The following MCC variants were observed in gnomAD, a reference collection of about 807,000 sequenced individuals.
MCC encodes the protein colorectal mutant cancer protein.
MCC carries 90 observed loss-of-function variants against 116.2 expected under a neutral mutation model. That is an observed-to-expected ratio of 0.77 (90% confidence interval 0.65 to 0.92). MCC has a LOEUF of 0.92. Among genes scored for constraint, MCC ranks in the 40% least tolerant of loss-of-function variants. The probability of loss-of-function intolerance (pLI) is 0.00; values close to 1 mark genes in which losing one functional copy is unlikely to be tolerated. For missense variants in MCC, 1,516 were observed against 1,312.2 expected (o/e 1.16, Z -2.40); for synonymous variants, 578 against 510.5 (o/e 1.13, Z -1.78).
rs371343807 is a variant in MCC at position 113,333,802 on chromosome 5, T to TAC, written c.627+6716_627+6717insGT. ...CTTCATATATATTTATATATATATG[T>TAC]ATATATGTATATATGTACATATATG... On this transcript the variant is annotated intron_variant, in intron 3 of 18. Coordinates refer to ENST00000408903, the MANE Select transcript of MCC (RefSeq NM_001085377.2). Among the ~76,000 whole-genome samples, 198 of 53,828 alleles carry TAC rather than the reference T, an allele frequency of 3.7e-3. 2 individuals carry two copies. The highest frequency in any genetic ancestry group is 4.2e-3 in the Non-Finnish European group (124 of 29,628). The allele number at this position is 53,828 out of a possible 152,430, so 35.3% of individuals were successfully genotyped here. A position where few individuals can be genotyped will look rare whatever the true frequency, so the allele number is the denominator to read the frequency against.
rs190414411 is a variant in MCC, at chr5:113,185,552, A to G, written c.628-34130T>C. Among the ~76,000 whole-genome samples, 289 of 152,356 alleles carry G rather than the reference A, an allele frequency of 1.9e-3. 6 individuals carry two copies. The highest frequency in any genetic ancestry group is 0.016 in the Admixed American group (250 of 15,306). ...AGATTGAAAGGCTAGAGAAAGCTAC[A>G]CAGATATCAGCAAGAACTGACAGCT... On this transcript the variant is annotated intron_variant, in intron 3 of 18. Transcript: ENST00000408903.
At chr5:113,225,011 A>G (rs1167650132) in intron 3 of MCC, among the ~76,000 whole-genome samples, 1 of 152,224 alleles carries the variant, frequency 6.6e-6, no homozygotes, top group African/African-American at 2.4e-5. Flanking sequence ...TCGGTTAAAA[A>G]TAAAAAGAAG....
At chr5:113,075,631 T>A (rs1374684657) in intron 11 of MCC, among the ~76,000 whole-genome samples, 1 of 152,054 alleles carries the variant, frequency 6.6e-6, no homozygotes, top group Non-Finnish European at 1.5e-5. Flanking sequence ...ACCAATCACC[T>A]CTCTGTAAAA....
intron 1 of MCC, among the ~76,000 whole-genome samples, chr5:113,447,402 T>C (rs540676704): frequency 5.3e-4 from 81 of 152,330 alleles, no homozygotes; most frequent in Middle Eastern, 6.8e-3. Context: ...TATGTACAAT[T>C]TGAAAAATAT....
Position 113,325,541 on chromosome 5 carries a change from T to G in MCC, c.627+14978A>C, listed in dbSNP as rs374790476. Among the ~76,000 whole-genome samples the G allele has an allele frequency of 4.0e-5, 6 of 151,612 alleles. No individual in the cohort carries two copies. In the East Asian group the frequency reaches 9.7e-4, roughly 25 times the overall value. ...CTTCCTAGACTTCCCTGCAAAGTCT[T>G]TTGCTGCTGTTAGGCAATCACGCAG... On this transcript the variant is annotated intron_variant, in intron 3 of 18. Coordinates refer to ENST00000408903, the MANE Select transcript of MCC (RefSeq NM_001085377.2).
At chr5:113,072,464 T>C (rs1754105775) in intron 11 of MCC, among the ~76,000 whole-genome samples, 2 of 152,164 alleles carry the variant, frequency 1.3e-5, no homozygotes, top group Admixed American at 1.3e-4. Context: ...CCCGGCTAAT[T>C]AGATAAAGCC....
At chr5:113,360,331 T>C (rs981273246) in intron 2 of MCC, among the ~76,000 whole-genome samples, 4 of 152,254 alleles carry the variant, frequency 2.6e-5, no homozygotes, top group African/African-American at 9.6e-5. Context: ...TAAACCAAGT[T>C]TGCATTCCAG....
At chr5:113,235,261 A>G (rs928200153) in intron 3 of MCC, among the ~76,000 whole-genome samples, 8 of 152,236 alleles carry the variant, frequency 5.3e-5, no homozygotes, top group African/African-American at 1.2e-4. Flanking sequence ...TCTGACTTCA[A>G]TGCACTTGAG....
chr5:113,161,067 A>T (rs1020951595), intron 3 of MCC, among the ~76,000 whole-genome samples: 8 of 152,238 alleles, frequency 5.3e-5, no homozygotes, highest in African/African-American at 1.7e-4. Context: ...AGCTATTAAA[A>T]ATAAGTTATT....
rs371325011 is a variant in MCC at position 113,122,731 on chromosome 5, G to A, written c.980C>T (p.Ser327Phe). 3.1e-6 allele frequency: 5 copies of A among 1,614,204 alleles called. No individual in the cohort carries two copies. The highest frequency in any genetic ancestry group is 3.4e-6 in the Non-Finnish European group (4 of 1,180,022). The change falls in exon 6 of 19, where the codon TCT becomes TTT. Residue 327 changes from serine to phenylalanine, a missense_variant. By Grantham distance (155) the Ser-to-Phe change is radical (BLOSUM62 -2). Transcript: ENST00000408903. ...DSRSMDQDQT[S>F]VSIPENQSTM... ...AGACTGGTTTTCGGGGATAGAGACA[G>A]AGGTCTGGTCTTGGTCCATGCTTCG... is the stretch of plus-strand genomic sequence containing the variant.
intron 2 of MCC, among the ~76,000 whole-genome samples, chr5:113,363,362 C>T (rs533742690): frequency 2.0e-5 from 3 of 152,294 alleles, no homozygotes; most frequent in South Asian, 2.1e-4. Flanking sequence ...ACAGTTCCAC[C>T]GGCTGTACAG....
intron 13 of MCC, 60 bp downstream of exon 13, chr5:113,068,020 G>A (rs995056242): frequency 3.8e-5 from 54 of 1,423,740 alleles, no homozygotes; most frequent in Non-Finnish European, 5.2e-5. Context: ...GCTGAGACAG[G>A]GGCAGAAGCA....
intron 16 of MCC, among the ~76,000 whole-genome samples, chr5:113,047,730 C>G (rs1300169152): frequency 6.6e-6 from 1 of 151,910 alleles, no homozygotes; most frequent in Non-Finnish European, 1.5e-5. Flanking sequence ...TATAGATGAC[C>G]CTTGGACAAG....
At chr5:113,413,314 T>C (rs756842985) in intron 1 of MCC, among the ~76,000 whole-genome samples, 1 of 152,238 alleles carries the variant, frequency 6.6e-6, no homozygotes, top group Non-Finnish European at 1.5e-5. Context: ...TTCCCTCTTT[T>C]TCTATTGATT....
At chr5:113,113,602 C>A (rs1561363965) in intron 6 of MCC, among the ~76,000 whole-genome samples, 1 of 150,524 alleles carries the variant, frequency 6.6e-6, no homozygotes, top group Non-Finnish European at 1.5e-5. Flanking sequence ...ACATTAGGAA[C>A]CTCCCGCTGC....
At chr5:113,123,092 A>C (rs868143520) in intron 5 of MCC, among the ~76,000 whole-genome samples, 35 of 152,204 alleles carry the variant, frequency 2.3e-4, no homozygotes, top group African/African-American at 8.4e-4. Context: ...CTTCCCCTTT[A>C]AAGATTCCTG....
At chr5:113,366,222 C>G (rs576530183) in intron 2 of MCC, among the ~76,000 whole-genome samples, 1 of 151,986 alleles carries the variant, frequency 6.6e-6, no homozygotes, top group Admixed American at 6.6e-5. Flanking sequence ...TCTGCTTTGT[C>G]TTTTTGGTTT....
At chr5:113,305,793 C>T (rs1196331265) in intron 3 of MCC, among the ~76,000 whole-genome samples, 1 of 152,002 alleles carries the variant, frequency 6.6e-6, no homozygotes, top group African/African-American at 2.4e-5. Flanking sequence ...TAAAATTTAC[C>T]TTTTAACATA....
intron 3 of MCC, among the ~76,000 whole-genome samples, chr5:113,279,591 C>A (rs1310562063): frequency 6.6e-6 from 1 of 152,154 alleles, no homozygotes; most frequent in East Asian, 1.9e-4. Context: ...TGTCTTTTTG[C>A]ATGTAGAACA....
Sources: allele counts gnomAD v4.1 joint callset (sites outside exome capture counted in the v4.1 genomes callset), GRCh38; gene constraint gnomAD v4.1.1; transcripts MANE v1.5; gene names NCBI Gene and HGNC (gene_info 2026-07-23, HGNC 2026-07-21).